Variants in EXT1 observed in about 807,000 individuals in gnomAD.
EXT1 encodes the protein exostosin glycosyltransferase 1, also known as exostosin-1.
In EXT1, 20 loss-of-function variants were observed where a neutral mutation model predicts 82.5. The ratio of observed to expected loss-of-function variants is 0.24; its 90% CI spans 0.17 to 0.35. The LOEUF is 0.35. Ranked by LOEUF, EXT1 falls within the 10% of genes least tolerant of loss-of-function variation. The pLI is 1.00. For missense variants in EXT1, 757 were observed against 936.5 expected, an observed-to-expected ratio of 0.81 and a Z score of 2.50; for synonymous variants, 348 against 350.8, an observed-to-expected ratio of 0.99 and a Z score of 0.09.
At chr8:117,929,233 CAAGG>C (rs1246656881) in intron 1 of EXT1, among the ~76,000 whole-genome samples, 1 of 152,104 alleles carries the variant, frequency 6.6e-6, no homozygotes, top group East Asian at 1.9e-4. Context: ...AGAAATACTC[CAAGG>C]AAGGTAAAGA....
intron 1 of EXT1, among the ~76,000 whole-genome samples, chr8:117,859,345 A>T (rs1182728949): frequency 2.0e-5 from 3 of 152,220 alleles, no homozygotes; most frequent in African/African-American, 7.2e-5. Flanking sequence ...AAAATGAGGA[A>T]GAATAAGTCA....
rs115921971 is a variant in EXT1 at position 117,824,706 on chromosome 8, A to G, written c.1285-2109T>C. Reference sequence around the variant, plus strand: ...ATAGTGGTAATAGTATAGATATTACATAATACAGCTATTTTTACATATTAA... The same window carrying G: ...ATAGTGGTAATAGTATAGATATTACGTAATACAGCTATTTTTACATATTAA... On this transcript the variant is annotated intron_variant, in intron 4 of 10. Transcript: ENST00000378204. Among the ~76,000 whole-genome samples, 491 of 152,352 alleles carry G rather than the reference A, an allele frequency of 3.2e-3. 1 individual carries two copies. The highest frequency in any genetic ancestry group is 0.01 in the African/African-American group (418 of 41,578).
At chr8:118,076,455 T>C (rs1817209772) in intron 1 of EXT1, among the ~76,000 whole-genome samples, 1 of 152,254 alleles carries the variant, frequency 6.6e-6, no homozygotes, top group African/African-American at 2.4e-5. Context: ...AAAGTCTTTG[T>C]GTATATTTCC....
chr8:118,023,663 A>T (rs1816151313), intron 1 of EXT1, among the ~76,000 whole-genome samples: 1 of 152,160 alleles, frequency 6.6e-6, no homozygotes, highest in African/African-American at 2.4e-5. Context: ...CTTGCTCCAA[A>T]CTCTATGTTT....
intron 1 of EXT1, 130 bp downstream of exon 1, chr8:118,109,955 G>A: frequency 6.8e-7 from 1 of 1,465,876 alleles, no homozygotes. Flanking sequence ...GATTTGCTCA[G>A]TTCCAGGCTC....
chr8:117,939,094 C>A (rs977459349), intron 1 of EXT1, among the ~76,000 whole-genome samples: 1 of 152,164 alleles, frequency 6.6e-6, no homozygotes, highest in African/African-American at 2.4e-5. Context: ...AAATTCAAAG[C>A]CCCACTCAAA....
intron 1 of EXT1, among the ~76,000 whole-genome samples, chr8:117,881,613 A>G (rs1813059956): frequency 6.6e-6 from 1 of 152,194 alleles, no homozygotes; most frequent in Non-Finnish European, 1.5e-5. Flanking sequence ...AATGCAGATG[A>G]TTGGTTTGCG....
intron 1 of EXT1, among the ~76,000 whole-genome samples, chr8:117,908,694 A>C (rs186665654): frequency 1.5e-4 from 23 of 152,162 alleles, no homozygotes; most frequent in African/African-American, 4.6e-4. Flanking sequence ...ACACAAAACA[A>C]CTTGGAACTA....
At chr8:118,106,967 T>C (rs1344116592) in intron 1 of EXT1, among the ~76,000 whole-genome samples, 1 of 152,240 alleles carries the variant, frequency 6.6e-6, no homozygotes, top group Non-Finnish European at 1.5e-5. Context: ...TTATTTTCTC[T>C]CTATTACAAG....
At chr8:117,807,010 C>T (rs1823248018) in intron 9 of EXT1, among the ~76,000 whole-genome samples, 2 of 152,182 alleles carry the variant, frequency 1.3e-5, no homozygotes, top group South Asian at 4.1e-4. Flanking sequence ...GAAAATGTTA[C>T]TCTACCATAA....
At chr8:117,857,363 C>T (rs1812583084) in intron 1 of EXT1, among the ~76,000 whole-genome samples, 1 of 152,080 alleles carries the variant, frequency 6.6e-6, no homozygotes, top group African/African-American at 2.4e-5. Flanking sequence ...CAAGACCAAC[C>T]TGGGCAACAT....
chr8:117,974,209 GTTA>G (rs1162890382), intron 1 of EXT1, among the ~76,000 whole-genome samples: 2 of 152,136 alleles, frequency 1.3e-5, no homozygotes, highest in Non-Finnish European at 2.9e-5. Context: ...GAGCTTTCAG[GTTA>G]TTATCGTTTA....
At chr8:118,041,705 G>GGAAGGAAGGAAA (rs1420829191) in intron 1 of EXT1, among the ~76,000 whole-genome samples, 19 of 150,424 alleles carry the variant, frequency 1.3e-4, no homozygotes, top group African/African-American at 4.6e-4. Flanking sequence ...AAGGAAGGAA[G>GGAAGGAAGGAAA]GAAGGAAGGA....
chr8:117,903,799 G>A (rs949067337), intron 1 of EXT1, among the ~76,000 whole-genome samples: 11 of 152,134 alleles, frequency 7.2e-5, no homozygotes, highest in African/African-American at 2.7e-4. Context: ...TACTGGGTTT[G>A]AAAAAACATG....
At chr8:118,086,708 A>C (rs1817425378) in intron 1 of EXT1, among the ~76,000 whole-genome samples, 1 of 152,224 alleles carries the variant, frequency 6.6e-6, no homozygotes, top group East Asian at 1.9e-4. Context: ...ATGTTTCAGT[A>C]TAATTTCAAT....
intron 1 of EXT1, among the ~76,000 whole-genome samples, chr8:117,948,023 C>A (rs566177883): frequency 6.6e-6 from 1 of 151,758 alleles, no homozygotes; most frequent in Non-Finnish European, 1.5e-5. Flanking sequence ...AATACCTGCT[C>A]CCCGTCTCTG....
rs1451377844 is a variant in EXT1 at position 117,819,660 on chromosome 8, T to C, written c.1536+16A>G. 1.2e-6 allele frequency: 2 copies of C among 1,608,482 alleles called. No individual in the cohort carries two copies. Among genetic ancestry groups the C allele is most frequent in the East Asian group, 4.5e-5 (2 of 44,840 alleles). The stretch of plus-strand genomic sequence containing the variant: ...GCTGGAGCAGGCAGGGGCTTCTCTG[T>C]CAACTTCCCGCTCACCTGGGCACAG... On this transcript the variant is annotated intron_variant, in intron 6 of 10. Transcript: ENST00000378204.
chr8:118,028,046 A>C (rs1018483261), intron 1 of EXT1, among the ~76,000 whole-genome samples: 1 of 152,226 alleles, frequency 6.6e-6, no homozygotes, highest in East Asian at 1.9e-4. Context: ...CCTACAAGTA[A>C]AAGTTTTACA....
At chr8:117,828,617 A>G (rs2129766861) in intron 4 of EXT1, among the ~76,000 whole-genome samples, 1 of 152,336 alleles carries the variant, frequency 6.6e-6, no homozygotes, top group South Asian at 2.1e-4. Flanking sequence ...GGATTAAAAA[A>G]GCAAAGGGTA....
Sources: allele counts gnomAD v4.1 joint callset (sites outside exome capture counted in the v4.1 genomes callset), GRCh38; gene constraint gnomAD v4.1.1; transcripts MANE v1.5; gene names NCBI Gene and HGNC (gene_info 2026-07-23, HGNC 2026-07-21).